YAF2: variants seen among roughly 807,000 people sequenced by gnomAD.
The protein encoded by YAF2 is YY1 associated factor 2, also known as YY1-associated factor 2.
A neutral mutation model predicts 20.1 loss-of-function variants in YAF2; 7 were observed. The ratio of observed to expected loss-of-function variants is 0.35; its 90% CI spans 0.20 to 0.65. YAF2 has a LOEUF of 0.65. YAF2 is among the 30% of genes least tolerant of loss of function. YAF2 has a pLI of 0.69. For missense variants in YAF2, 151 were observed against 219.2 expected (o/e 0.69, Z 1.96); for synonymous variants, 74 against 76.0 (o/e 0.97, Z 0.14).
intron 2 of YAF2, among the ~76,000 whole-genome samples, chr12:42,168,916 T>C (rs1375398155): frequency 2.0e-5 from 3 of 152,194 alleles, no homozygotes; most frequent in African/African-American, 7.2e-5. Context: ...GTTGTAAATA[T>C]TGTGGGGCTC....
chr12:42,234,229 G>GA (rs1555167115), intron 2 of YAF2: 3 of 686,366 alleles, frequency 4.4e-6, no homozygotes, highest in East Asian at 1.6e-4. Flanking sequence ...GAAAAGAAAA[G>GA]AAAGAAAAGA....
intron 2 of YAF2, among the ~76,000 whole-genome samples, chr12:42,182,299 T>C (rs1224055658): frequency 1.3e-5 from 2 of 152,198 alleles, no homozygotes; most frequent in African/African-American, 4.8e-5. Context: ...GCTGATAGCA[T>C]GCAATGTAGA....
intron 2 of YAF2, among the ~76,000 whole-genome samples, chr12:42,218,185 A>AACACACACACACACAC (rs71883885): frequency 2.1e-5 from 3 of 140,608 alleles, no homozygotes; most frequent in East Asian, 2.1e-4. Flanking sequence ...GCTACTAGGA[A>AACACACACACACACAC]ACACACACAC....
intron 2 of YAF2, among the ~76,000 whole-genome samples, chr12:42,219,526 G>T (rs1184013097): frequency 6.6e-6 from 1 of 152,058 alleles, no homozygotes; most frequent in Non-Finnish European, 1.5e-5. Flanking sequence ...AACAGAAAGG[G>T]GGACCAGAGA....
intron 2 of YAF2, among the ~76,000 whole-genome samples, chr12:42,168,345 AT>A (rs1002677857): frequency 6.6e-6 from 1 of 151,434 alleles, no homozygotes; most frequent in Non-Finnish European, 1.5e-5. Flanking sequence ...TGCCCAGCTA[AT>A]TTTTTTTGTA....
intron 2 of YAF2, chr12:42,235,422 A>G (rs986068418): frequency 1.9e-6 from 2 of 1,065,356 alleles, no homozygotes; most frequent in Non-Finnish European, 2.3e-6. Flanking sequence ...TATCTTCTCT[A>G]GTAACAATAC....
intron 2 of YAF2, among the ~76,000 whole-genome samples, chr12:42,183,124 C>T (rs771086174): frequency 2.0e-5 from 3 of 152,182 alleles, no homozygotes; most frequent in Non-Finnish European, 4.4e-5. Context: ...CCAAGGCCCA[C>T]ACCTGTATAT....
intron 2 of YAF2, among the ~76,000 whole-genome samples, chr12:42,213,376 G>A (rs1305367613): frequency 6.6e-6 from 1 of 152,132 alleles, no homozygotes; most frequent in East Asian, 1.9e-4. Flanking sequence ...GAGAAAAGGT[G>A]GGAAAAAGAA....
intron 2 of YAF2, among the ~76,000 whole-genome samples, chr12:42,171,436 A>C (rs1367754537): frequency 6.6e-6 from 1 of 152,060 alleles, no homozygotes; most frequent in Admixed American, 6.6e-5. Context: ...GCTGCAGTGC[A>C]CTATGATCAT....
At chr12:42,208,991 C>T (rs994630637) in intron 2 of YAF2, among the ~76,000 whole-genome samples, 1 of 152,056 alleles carries the variant, frequency 6.6e-6, no homozygotes, top group African/African-American at 2.4e-5. Context: ...AGAAATAGAA[C>T]CTAGTAATAA....
At chr12:42,234,665 A>G (rs1699383600) in intron 2 of YAF2, 2 of 984,498 alleles carry the variant, frequency 2.0e-6, no homozygotes, top group East Asian at 2.3e-4. Flanking sequence ...ACTTAATATT[A>G]TTTAAAGAAA....
chr12:42,175,082 A>C (rs1022627084), intron 2 of YAF2, among the ~76,000 whole-genome samples: 2 of 152,238 alleles, frequency 1.3e-5, no homozygotes, highest in Non-Finnish European at 2.9e-5. Flanking sequence ...ACAAATGTTC[A>C]TAGCAACTTC....
chr12:42,178,214 T>C (rs777783455), intron 2 of YAF2, among the ~76,000 whole-genome samples: 3 of 152,218 alleles, frequency 2.0e-5, no homozygotes, highest in Non-Finnish European at 4.4e-5. Flanking sequence ...TGTGATCCTA[T>C]CGCACTTGTT....
At chr12:42,237,450 A>G (rs560192190) in intron 2 of YAF2, 149 bp downstream of exon 2, 10 of 1,328,904 alleles carry the variant, frequency 7.5e-6, no homozygotes, top group East Asian at 6.5e-5. Context: ...GTTGCGATCA[A>G]TGTGACCCAG....
chr12:42,187,011 G>GAC (rs1167329259), intron 2 of YAF2, among the ~76,000 whole-genome samples: 2 of 152,074 alleles, frequency 1.3e-5, no homozygotes, highest in African/African-American at 4.8e-5. Context: ...TGGGGAACTT[G>GAC]ATATATATAG....
In YAF2 at chr12:42,221,169, T is replaced by C. The variant is rs993833388; in HGVS notation, c.152+16430A>G. ...AAGTAGTAGGTCTAATGTTAGAAAC[T>C]GTCAAGAGGTATACCACTAGATCTA... On this transcript the variant is annotated intron_variant, in intron 2 of 3. Transcript: ENST00000534854. 6.6e-5 allele frequency among the ~76,000 whole-genome samples: 10 copies of C among 152,320 alleles called. No individual in the cohort carries two copies. The East Asian group carries it at 1.9e-3, about 29-fold the overall frequency.
chr12:42,190,671 C>T (rs2066590992), intron 2 of YAF2, among the ~76,000 whole-genome samples: 1 of 152,028 alleles, frequency 6.6e-6, no homozygotes, highest in Admixed American at 6.5e-5. Flanking sequence ...GTATGTTATT[C>T]ATGTCTTTCA....
intron 2 of YAF2, among the ~76,000 whole-genome samples, chr12:42,217,204 C>G (rs1305105782): frequency 6.6e-6 from 1 of 152,170 alleles, no homozygotes; most frequent in African/African-American, 2.4e-5. Flanking sequence ...AATAATTGAA[C>G]ATGCAGGTAG....
intron 2 of YAF2, chr12:42,235,612 A>C (rs988378232): frequency 6.8e-7 from 1 of 1,476,752 alleles, no homozygotes; most frequent in African/African-American, 1.4e-5. Context: ...TAGAACACTT[A>C]CTTTCAGGAA....
Sources: gnomAD v4.1 joint callset for allele counts (sites outside exome capture counted in the v4.1 genomes callset) on GRCh38, gnomAD v4.1.1 for gene constraint, MANE v1.5 for transcripts, NCBI Gene and HGNC (gene_info 2026-07-23, HGNC 2026-07-21) for gene names.